KCTD10: variants seen among roughly 807,000 people sequenced by gnomAD.
The protein encoded by KCTD10 is potassium channel tetramerization domain containing 10, also known as BTB/POZ domain-containing adapter for CUL3-mediated RhoA degradation protein 3.
A neutral mutation model predicts 34.6 loss-of-function variants in KCTD10; 13 were observed. The observed-to-expected ratio is 0.38, with a 90% CI of 0.24 to 0.60. The LOEUF is 0.60. Ranked by LOEUF, KCTD10 falls within the 20% of genes least tolerant of loss-of-function variation. The pLI is 0.66. For synonymous variants in KCTD10, 156 were observed against 168.8 expected (o/e 0.92, Z 0.59); for missense variants, 256 against 420.3 (o/e 0.61, Z 3.42).
Position 109,469,422 on chromosome 12 carries a change from T to C in KCTD10, c.217+93A>G, listed in dbSNP as rs189955977. ...CCCAACAAGCTGCCTCCTACACATC[T>C]TCAGGTCTCGACTTAAATGTCACTT... On this transcript the variant is annotated intron_variant, in intron 2 of 6. Coordinates refer to ENST00000228495, the MANE Select transcript of KCTD10 (RefSeq NM_031954.5). 2.7e-3 allele frequency: 4,044 copies of C among 1,472,736 alleles called. 9 individuals are homozygous for C. Among genetic ancestry groups the C allele is most frequent in the South Asian group, 3.6e-3 (278 of 77,158 alleles). 91.2% of individuals were successfully genotyped at this position (1,472,736 alleles called of 1,614,324 possible). A position where few individuals can be genotyped will look rare whatever the true frequency, so the allele number is the denominator to read the frequency against.
intron 2 of KCTD10, chr12:109,469,249 G>A (rs181622659): frequency 4.1e-4 from 194 of 475,972 alleles, no homozygotes; most frequent in African/African-American, 3.4e-3. Context: ...CAAGGGTCCA[G>A]GGAAGATACC....
chr12:109,471,856 G>A (rs1340870755), intron 1 of KCTD10, among the ~76,000 whole-genome samples: 2 of 152,144 alleles, frequency 1.3e-5, no homozygotes, highest in Admixed American at 6.5e-5. Flanking sequence ...TTTGGAAGGT[G>A]CCTATCATGA....
chr12:109,450,260 C>T lies in KCTD10; in HGVS notation c.*1335G>A. ...CCACCCCTGTCAGTCACGACTCACT[C>T]CTGTTCCTTTGCAGGTGCAGAGGAG... On this transcript the variant is annotated 3_prime_UTR_variant, in exon 7 of 7. Transcript: ENST00000228495. The T allele has an allele frequency of 2.5e-6, 1 of 398,692 alleles. No individual in the cohort carries two copies. The highest frequency in any genetic ancestry group is 3.6e-5 in the East Asian group (1 of 28,066). 24.7% of individuals were successfully genotyped at this position (398,692 alleles called of 1,614,324 possible).
chr12:109,459,182 C>T (rs1340236696), intron 3 of KCTD10: 1 of 98,488 alleles, frequency 1.0e-5, no homozygotes, highest in Admixed American at 9.2e-5. Flanking sequence ...GAAAAGGCTC[C>T]TGAAGTTAGA....
intron 1 of KCTD10, chr12:109,470,580 T>C (rs1283221320): frequency 3.0e-6 from 3 of 985,220 alleles, no homozygotes; most frequent in African/African-American, 1.7e-5. Flanking sequence ...TGTGCAAGGG[T>C]GGGCAGAATC....
chr12:109,473,812 G>A (rs1274269104), intron 1 of KCTD10, among the ~76,000 whole-genome samples: 1 of 133,884 alleles, frequency 7.5e-6, no homozygotes, highest in South Asian at 2.3e-4. Flanking sequence ...ACTGAGTTTT[G>A]CTCTTATTGC....
chr12:109,457,997 T>C lies in KCTD10; in HGVS notation c.469A>G (p.Asn157Asp). 5 of 1,613,004 alleles carry C rather than the reference T, an allele frequency of 3.1e-6. No homozygotes were observed. In the South Asian group the frequency reaches 3.3e-5, roughly 11 times the overall value. Residue 157 changes from asparagine to aspartate, a missense_variant, in exon 4 of 7, where the codon AAT becomes GAT. This residue lies in a region of KCTD10 where 155 missense variants were observed against 207.0 expected (regional missense o/e 0.75). Coordinates refer to ENST00000228495, the MANE Select transcript of KCTD10 (RefSeq NM_031954.5). ...CAAGGGTGCCTCCAACATACCTTAT[T>C]TGAAGTCGCTATAAGTTTTTGTTCT... ...KEEQKLIATS[N>D]KPAVKLLYNR...
intron 1 of KCTD10, among the ~76,000 whole-genome samples, chr12:109,471,882 A>G (rs546608344): frequency 2.0e-5 from 3 of 152,214 alleles, no homozygotes; most frequent in Non-Finnish European, 4.4e-5. Context: ...ACAAAAAAGT[A>G]CATAAAGTAT....
At position 109,460,499 on chromosome 12, in the gene KCTD10, G is replaced by T; in HGVS notation, c.387+137C>A. The T allele has an allele frequency of 1.1e-6, 1 of 924,140 alleles. No individual in the cohort carries two copies. The highest frequency in any genetic ancestry group is 1.6e-6 in the Non-Finnish European group (1 of 617,064). 57.2% of individuals were successfully genotyped at this position (924,140 alleles called of 1,614,324 possible). On this transcript the variant is annotated intron_variant, in intron 3 of 6. Coordinates refer to ENST00000228495, the MANE Select transcript of KCTD10 (RefSeq NM_031954.5). The surrounding 1 kb of genome is among the most constrained non-coding windows in gnomAD (Gnocchi z 4.5). ...GGGTCACTCCAACCGAAGGAATCGG[G>T]CTCCAGGGCAAACTCATTAACTCTC...
At position 109,451,300 on chromosome 12, in the gene KCTD10, C is replaced by T; in HGVS notation, c.*295G>A. 2.5e-6 allele frequency: 1 copy of T among 405,252 alleles called. No homozygotes were observed. The highest frequency in any genetic ancestry group is 4.4e-6 in the Non-Finnish European group (1 of 228,502). 25.1% of individuals were successfully genotyped at this position (405,252 alleles called of 1,614,324 possible). A position where few individuals can be genotyped will look rare whatever the true frequency, so the allele number is the denominator to read the frequency against. On this transcript the variant is annotated 3_prime_UTR_variant, in exon 7 of 7. Transcript: ENST00000228495. The surrounding 1 kb of genome is among the most constrained non-coding windows in gnomAD (Gnocchi z 5.0). ...AACAAAAGTTCTCACATACACTTCA[C>T]ACTCATTCATACTTTTCCTCTGAGA... is the stretch of plus-strand genomic sequence containing the variant.
In KCTD10 at chr12:109,456,072, T is replaced by C. The variant is rs1294936424; in HGVS notation, c.723+46A>G. Reference sequence around the variant, plus strand: ...CAAGTGAAAGGAAGTTCTATAGGTGTGTGTTTCAGAACAGCCACTCCAAAC... The same window carrying C: ...CAAGTGAAAGGAAGTTCTATAGGTGCGTGTTTCAGAACAGCCACTCCAAAC... On this transcript the variant is annotated intron_variant, in intron 6 of 6. Coordinates refer to ENST00000228495, the MANE Select transcript of KCTD10 (RefSeq NM_031954.5). The C allele has an allele frequency of 1.9e-6, 3 of 1,568,468 alleles. No homozygotes were observed. The Admixed American group carries it at 5.0e-5, about 26-fold the overall frequency.
At position 109,469,632 on chromosome 12, in the gene KCTD10, C is replaced by A. The variant is rs751042686; in HGVS notation, c.100G>T (p.Val34Leu). 2.5e-6 allele frequency: 4 copies of A among 1,614,074 alleles called. No individual in the cohort carries two copies. The highest frequency in any genetic ancestry group is 1.1e-5 in the South Asian group (1 of 91,094). The change falls in exon 2 of 7, where the codon GTG becomes TTG. Residue 34 changes from valine to leucine, a missense_variant. This residue lies in a region of KCTD10 where 155 missense variants were observed against 207.0 expected (regional missense o/e 0.75). Coordinates refer to ENST00000228495, the MANE Select transcript of KCTD10 (RefSeq NM_031954.5). ...FKGTSPSSKY[V>L]KLNVGGALYY... Reference sequence around the variant, plus strand: ...AGGGCTCCACCCACATTCAGCTTCACGTATTTGGAGCTGGGGCTCGTGCCC... The same window carrying A: ...AGGGCTCCACCCACATTCAGCTTCAAGTATTTGGAGCTGGGGCTCGTGCCC...
intron 4 of KCTD10, 61 bp downstream of exon 4, chr12:109,457,931 C>T: frequency 2.2e-6 from 3 of 1,374,156 alleles, no homozygotes; most frequent in Non-Finnish European, 2.1e-6. Flanking sequence ...AAAAGTTATT[C>T]AGAAGAACCT....
chr12:109,475,317 A>T (rs557623404), intron 1 of KCTD10, among the ~76,000 whole-genome samples: 9 of 148,620 alleles, frequency 6.1e-5, no homozygotes, highest in South Asian at 2.1e-4. Context: ...CAAAAAAATT[A>T]AAAAAAAAAA....
At chr12:109,457,754 T>C (rs957728246) in intron 4 of KCTD10, 72 bp from the exon 5 acceptor site, 5 of 1,492,948 alleles carry the variant, frequency 3.3e-6, no homozygotes, top group Admixed American at 3.3e-5. Flanking sequence ...TAGCTTCCCA[T>C]AGGGCTGGGG....
Position 109,451,902 on chromosome 12 carries a change from C to G in KCTD10, c.724-89G>C. 8.8e-7 allele frequency: 1 copy of G among 1,135,472 alleles called. No individual in the cohort carries two copies. Among genetic ancestry groups the G allele is most frequent in the Non-Finnish European group, 1.2e-6 (1 of 820,988 alleles). The allele number at this position is 1,135,472 out of a possible 1,614,324, so 70.3% of individuals were successfully genotyped here. On this transcript the variant is annotated intron_variant, in intron 6 of 6. Coordinates refer to ENST00000228495, the MANE Select transcript of KCTD10 (RefSeq NM_031954.5). The surrounding 1 kb of genome is among the most constrained non-coding windows in gnomAD (Gnocchi z 5.0). ...TTTAAGCAGGGCCGCCAGGCTAAAT[C>G]AGGCCCCTGGGATTCTGCTGAAGGC...
At chr12:109,461,476 C>T (rs1873327325) in intron 2 of KCTD10, among the ~76,000 whole-genome samples, 1 of 152,116 alleles carries the variant, frequency 6.6e-6, no homozygotes, top group South Asian at 2.1e-4. Context: ...GAAAAAGGTC[C>T]CAAAGCTGAC....
chr12:109,451,577 G>C lies in KCTD10; in HGVS notation c.*18C>G. 10 of 1,589,866 alleles carry C rather than the reference G, an allele frequency of 6.3e-6. No individual in the cohort carries two copies. The highest frequency in any genetic ancestry group is 8.6e-6 in the Non-Finnish European group (10 of 1,167,356). The stretch of plus-strand genomic sequence containing the variant: ...GAGTGGGGGCGGTGAGAGGAGGGCG[G>C]CTCGGTCTCTTGCCTGCTCACTGGT... On this transcript the variant is annotated 3_prime_UTR_variant, in exon 7 of 7. Transcript: ENST00000228495. The surrounding 1 kb of genome is among the most constrained non-coding windows in gnomAD (Gnocchi z 5.0).
chr12:109,458,076 G>A lies in KCTD10; in HGVS notation c.390C>T (p.Asn130=). ...LVEECQAALQ[N]KDTYEPFCKV... ...TGCAGAAAGGCTCATAAGTATCTTT[G>A]TTCTGCTGGAACAAAACATGCTTTC... Residue 130 remains asparagine, a splice_region_variant and synonymous_variant, in exon 4 of 7, where the codon AAC becomes AAT. Transcript: ENST00000228495. 6.2e-7 allele frequency: 1 copy of A among 1,613,756 alleles called. No individual in the cohort carries two copies. Among genetic ancestry groups the A allele is most frequent in the South Asian group, 1.1e-5 (1 of 91,076 alleles).
Sources: gnomAD v4.1 joint callset for allele counts (sites outside exome capture counted in the v4.1 genomes callset) on GRCh38, gnomAD v4.1.1 for gene constraint, gnomAD v4.1.1 regional missense constraint, Gnocchi (gnomAD v3.1) non-coding constraint, MANE v1.5 for transcripts, NCBI Gene and HGNC (gene_info 2026-07-23, HGNC 2026-07-21) for gene names.